The following F5 variants were observed in gnomAD, a reference collection of about 807,000 sequenced individuals.
F5 encodes the protein coagulation factor V, also known as activated protein c cofactor.
F5 carries 138 observed loss-of-function variants against 216.4 expected under a neutral mutation model. The observed-to-expected ratio is 0.64, with a 90% CI of 0.56 to 0.73. F5 has a LOEUF of 0.73. Among genes scored for constraint, F5 ranks in the 30% least tolerant of loss-of-function variants. F5 has a pLI of 0.00. For missense variants in F5, 2,403 were observed against 2,674.0 expected, an observed-to-expected ratio of 0.90 and a Z score of 2.24; for synonymous variants, 916 against 930.7, an observed-to-expected ratio of 0.98 and a Z score of 0.29.
intron 3 of F5, among the ~76,000 whole-genome samples, chr1:169,565,240 C>T (rs191150541): frequency 2.8e-4 from 43 of 152,106 alleles, no homozygotes; most frequent in African/African-American, 9.4e-4. Flanking sequence ...TTTACAGCAC[C>T]CATCACAATT....
intron 15 of F5, among the ~76,000 whole-genome samples, chr1:169,530,578 C>A (rs1035556215): frequency 6.6e-6 from 1 of 152,230 alleles, no homozygotes; most frequent in Non-Finnish European, 1.5e-5. Context: ...CTCCTCTCCA[C>A]TGAATAAATG....
At chr1:169,522,311 T>C (rs1659328372) in intron 21 of F5, among the ~76,000 whole-genome samples, 1 of 152,132 alleles carries the variant, frequency 6.6e-6, no homozygotes, top group Non-Finnish European at 1.5e-5. Flanking sequence ...AAGAGCATGC[T>C]TACCAGTTTT....
chr1:169,564,829 G>C (rs1207421401), intron 3 of F5, among the ~76,000 whole-genome samples: 3 of 151,998 alleles, frequency 2.0e-5, no homozygotes, highest in African/African-American at 7.2e-5. Context: ...CCATTCAATA[G>C]CAATGAAGGA....
chr1:169,546,173 G>A (rs939785578), intron 11 of F5, among the ~76,000 whole-genome samples: 3 of 131,920 alleles, frequency 2.3e-5, no homozygotes, highest in African/African-American at 8.7e-5. Flanking sequence ...CGCAGAGTAT[G>A]TCTGTGTACA....
At chr1:169,533,971 C>T (rs1329322012) in intron 14 of F5, among the ~76,000 whole-genome samples, 1 of 152,010 alleles carries the variant, frequency 6.6e-6, no homozygotes, top group South Asian at 2.1e-4. Flanking sequence ...GCAGACAGCC[C>T]GGCGCCACAC....
chr1:169,576,630 C>T (rs1456427454), intron 2 of F5, among the ~76,000 whole-genome samples: 1 of 152,126 alleles, frequency 6.6e-6, no homozygotes, highest in Non-Finnish European at 1.5e-5. Context: ...CAGATGTCTA[C>T]ACCTCTTTTG....
chr1:169,568,724 G>C (rs900368707), intron 3 of F5, among the ~76,000 whole-genome samples: 1 of 151,996 alleles, frequency 6.6e-6, no homozygotes, highest in African/African-American at 2.4e-5. Flanking sequence ...GCTTTGTATT[G>C]TATTTATTCT....
rs147487854 is a variant in F5 at position 169,586,281 on chromosome 1, C to T, written c.106G>A (p.Val36Met). ...CTCCAACTGATGCCCTGAGCAGCCACGTAGAACTGCCTTAGCTGTGCCGCT... is the reference window on the plus strand; with the variant it reads ...CTCCAACTGATGCCCTGAGCAGCCATGTAGAACTGCCTTAGCTGTGCCGCT... Reference protein sequence around the residue: ...TEAAQLRQFYVAAQGISWSYR... With the variant: ...TEAAQLRQFYMAAQGISWSYR... Residue 36 changes from valine to methionine, a missense_variant, in exon 1 of 25, where the codon GTG (valine) becomes ATG (methionine). Val to Met is a conservative substitution (Grantham distance 21, BLOSUM62 1). Around this residue, in one of 4 missense-constraint regions of F5, gnomAD observed 1,425 missense variants for 1,554.8 expected, o/e 0.92. Transcript: ENST00000367797. The T allele has an allele frequency of 2.6e-4, 413 of 1,614,202 alleles. No individual in the cohort carries two copies. In the African/African-American group the frequency reaches 4.8e-3, roughly 19 times the overall value.
rs377229795 is a variant in F5, at chr1:169,544,332, G to C, written c.1939C>G (p.Arg647Gly). The change falls in exon 12 of 25, where the codon CGT becomes GGT. Residue 647 changes from arginine (R) to glycine (G), a missense_variant. Physicochemically the swap from Arg to Gly is moderately radical, Grantham distance 125 (BLOSUM62 -2). Transcript: ENST00000367797. ...HEDTLTLFPM[R>G]GESVTVTMDN... ...ATTGTGACCGTCACAGATTCTCCACGCATGGGGAAGAGGGTCAAGGTGTCC... is the reference window on the plus strand; with the variant it reads ...ATTGTGACCGTCACAGATTCTCCACCCATGGGGAAGAGGGTCAAGGTGTCC... The C allele has an allele frequency of 8.7e-6, 14 of 1,613,968 alleles. No homozygotes were observed. The South Asian group carries it at 1.5e-4, about 18-fold the overall frequency.
intron 16 of F5, 49 bp downstream of exon 16, chr1:169,529,559 A>T: frequency 6.7e-7 from 1 of 1,487,570 alleles, no homozygotes; most frequent in Non-Finnish European, 9.4e-7. Flanking sequence ...AATCACTGTG[A>T]CCCAGTGTGA....
chr1:169,524,233 G>C (rs1659376948), intron 19 of F5, among the ~76,000 whole-genome samples: 1 of 152,206 alleles, frequency 6.6e-6, no homozygotes, highest in Admixed American at 6.5e-5. Flanking sequence ...TCATCCTCTT[G>C]ATCATGACCT....
intron 7 of F5, among the ~76,000 whole-genome samples, chr1:169,554,747 G>C (rs1032244620): frequency 6.6e-6 from 1 of 152,248 alleles, no homozygotes; most frequent in East Asian, 1.9e-4. Flanking sequence ...ATAGATAAAA[G>C]TAGTATTCCC....
chr1:169,551,993 C>G (rs545218049), intron 8 of F5, among the ~76,000 whole-genome samples: 1 of 152,088 alleles, frequency 6.6e-6, no homozygotes, highest in Non-Finnish European at 1.5e-5. Context: ...TATATCTTAG[C>G]TATAATGAGA....
chr1:169,542,954 A>G lies in F5; in HGVS notation c.2136T>C (p.Arg712=), dbSNP rs1361898575. ...TVMATRKMHD[R]LEPEDEESDA... ...CACTCTCTTCATCTTCAGGTTCTAAACGATCATGCATTTTCCGTGTAGCCA... is the reference window on the plus strand; with the variant it reads ...CACTCTCTTCATCTTCAGGTTCTAAGCGATCATGCATTTTCCGTGTAGCCA... Residue 712 remains arginine, a synonymous_variant, in exon 13 of 25, where the codon CGT becomes CGC. Transcript: ENST00000367797. The G allele has an allele frequency of 1.2e-6, 2 of 1,614,118 alleles. No homozygotes were observed. The highest frequency in any genetic ancestry group is 4.5e-5 in the East Asian group (2 of 44,878).
At chr1:169,548,424 T>C (rs1337454533) in intron 10 of F5, among the ~76,000 whole-genome samples, 1 of 152,116 alleles carries the variant, frequency 6.6e-6, no homozygotes, top group Non-Finnish European at 1.5e-5. Context: ...CACCACTGAG[T>C]TCTCAGAAAC....
At chr1:169,533,485 C>A (rs1000356608) in intron 14 of F5, among the ~76,000 whole-genome samples, 3 of 152,046 alleles carry the variant, frequency 2.0e-5, no homozygotes, top group Admixed American at 1.3e-4. Flanking sequence ...AAAATATTCA[C>A]AAAGTATGTA....
chr1:169,560,452 T>A, intron 4 of F5, 102 bp downstream of exon 4: 1 of 1,088,448 alleles, frequency 9.2e-7, no homozygotes, highest in Non-Finnish European at 1.4e-6. Context: ...CTCTGCTTGA[T>A]GTACAAGAAG....
At position 169,553,802 on chromosome 1, in the gene F5, A is replaced by G. The variant is rs1660242882; in HGVS notation, c.1119-1068T>C. Among the ~76,000 whole-genome samples the G allele has an allele frequency of 2.6e-5, 4 of 152,190 alleles. No individual in the cohort carries two copies. The South Asian group carries it at 8.3e-4, about 32-fold the overall frequency. ...TGATTGAAAAGTCAAGAAAGAAGAGATGCTGGCAAGGTCATGGAGAGAAAG... is the reference window on the plus strand; with the variant it reads ...TGATTGAAAAGTCAAGAAAGAAGAGGTGCTGGCAAGGTCATGGAGAGAAAG... On this transcript the variant is annotated intron_variant, in intron 7 of 24. Transcript: ENST00000367797.
chr1:169,555,909 A>G (rs9332691), intron 6 of F5, among the ~76,000 whole-genome samples: 1 of 152,300 alleles, frequency 6.6e-6, no homozygotes, highest in Non-Finnish European at 1.5e-5. Flanking sequence ...TGATCTCATG[A>G]AGTATCTCTT....
Sources: gnomAD v4.1 joint callset for allele counts (sites outside exome capture counted in the v4.1 genomes callset) on GRCh38, gnomAD v4.1.1 for gene constraint, gnomAD v4.1.1 regional missense constraint, MANE v1.5 for transcripts, NCBI Gene and HGNC (gene_info 2026-07-23, HGNC 2026-07-21) for gene names.